The following PDE10A variants were observed in gnomAD, a reference collection of about 807,000 sequenced individuals.
PDE10A encodes the protein cAMP and cAMP-inhibited cGMP 3',5'-cyclic phosphodiesterase 10A.
Under a neutral mutation model 97.7 loss-of-function variants are expected in PDE10A, and 39 were observed. The ratio of observed to expected loss-of-function variants is 0.40; its 90% CI spans 0.31 to 0.52. The LOEUF (loss-of-function observed/expected upper bound fraction) is 0.52, where lower values mean the gene tolerates loss of function less well. PDE10A is among the 20% of genes least tolerant of loss of function. The pLI is 0.56. For missense variants in PDE10A, 731 were observed against 1,047.8 expected (o/e 0.70, Z 4.17); for synonymous variants, 371 against 376.8 (o/e 0.98, Z 0.18).
chr6:165,943,346 G>GAAAAAA (rs369730730), intron 1 of PDE10A, among the ~76,000 whole-genome samples: 1 of 79,488 alleles, frequency 1.3e-5, no homozygotes, highest in Non-Finnish European at 2.6e-5. Context: ...AGAAAGAAAA[G>GAAAAAA]AGAAAGAAAG....
In PDE10A at chr6:165,586,526, T is replaced by C. The variant is rs541076643; in HGVS notation, c.866-42958A>G. Among the ~76,000 whole-genome samples, 3 of 152,274 alleles carry C rather than the reference T, an allele frequency of 2.0e-5. No individual in the cohort carries two copies. The South Asian group carries it at 6.2e-4, about 32-fold the overall frequency. ...TAGTCATGTCCCAGAAGAGAACTGA[T>C]ACTATATATCAAAAGGCCTAAAAGA... On this transcript the variant is annotated intron_variant, in intron 1 of 21. Transcript: ENST00000539869.
intron 1 of PDE10A, among the ~76,000 whole-genome samples, chr6:165,922,136 G>T (rs918252487): frequency 1.2e-4 from 18 of 152,218 alleles, no homozygotes; most frequent in African/African-American, 4.3e-4. Context: ...ACAACCTCAA[G>T]ATTTTTGGGC....
chr6:165,928,050 C>T (rs1783000053), intron 1 of PDE10A, among the ~76,000 whole-genome samples: 1 of 150,214 alleles, frequency 6.7e-6, no homozygotes, highest in South Asian at 2.1e-4. Context: ...TTAATATGTA[C>T]TATTTATATG....
rs1782926230 is a variant in PDE10A, at chr6:165,533,883, A to G, written c.994+9557T>C. Among the ~76,000 whole-genome samples the G allele has an allele frequency of 3.3e-5, 5 of 152,288 alleles. No homozygotes were observed. In the South Asian group the frequency reaches 1.0e-3, roughly 32 times the overall value. On this transcript the variant is annotated intron_variant, in intron 2 of 21. Transcript: ENST00000539869. The stretch of plus-strand genomic sequence containing the variant: ...TTGAATTAGTTTCATAATCTCTAAC[A>G]TTATTCGTGATAATATGACTTAATC...
chr6:165,354,119 G>C (rs1044998886), intron 18 of PDE10A, among the ~76,000 whole-genome samples: 1 of 152,144 alleles, frequency 6.6e-6, no homozygotes, highest in Non-Finnish European at 1.5e-5. Flanking sequence ...GCCCACATCA[G>C]AAATAACAGC....
intron 1 of PDE10A, among the ~76,000 whole-genome samples, chr6:165,579,579 C>G (rs911341235): frequency 2.0e-5 from 3 of 152,178 alleles, no homozygotes; most frequent in African/African-American, 7.2e-5. Flanking sequence ...CCATCAATTC[C>G]AGCCACTATC....
At chr6:165,946,329 T>C (rs1448604285) in intron 1 of PDE10A, among the ~76,000 whole-genome samples, 1 of 152,042 alleles carries the variant, frequency 6.6e-6, no homozygotes, top group Non-Finnish European at 1.5e-5. Flanking sequence ...ACCCCCTCTC[T>C]ACTAAAATAA....
chr6:165,351,634 A>G (rs541832135), intron 18 of PDE10A, among the ~76,000 whole-genome samples: 1 of 152,302 alleles, frequency 6.6e-6, no homozygotes, highest in East Asian at 1.9e-4. Flanking sequence ...AAAGCCCAGA[A>G]TGTGACTCCT....
intron 18 of PDE10A, among the ~76,000 whole-genome samples, chr6:165,368,359 G>A (rs1783966625): frequency 6.6e-6 from 1 of 152,060 alleles, no homozygotes; most frequent in African/African-American, 2.4e-5. Flanking sequence ...CAACCTATGT[G>A]GGGTGTATAA....
upstream of PDE10A, among the ~76,000 whole-genome samples, chr6:165,667,447 G>C (rs1250229804): frequency 6.6e-6 from 1 of 151,906 alleles, no homozygotes; most frequent in African/African-American, 2.4e-5. Context: ...AACCAGTATA[G>C]GTTATATCAT....
intron 1 of PDE10A, among the ~76,000 whole-genome samples, chr6:165,901,321 C>T (rs1289296243): frequency 6.6e-6 from 1 of 152,180 alleles, no homozygotes; most frequent in Non-Finnish European, 1.5e-5. Context: ...CCAGGTATGT[C>T]TTCAATTCAC....
Position 165,569,820 on chromosome 6 carries a change from C to A in PDE10A, c.866-26252G>T, listed in dbSNP as rs143597551. On this transcript the variant is annotated intron_variant, in intron 1 of 21. Coordinates refer to ENST00000539869, the MANE Select transcript of PDE10A (RefSeq NM_001385079.1). ...GCAGAACTGCATAAAGCTGCATAAA[C>A]CCACATATGTTCTTTGCTGTTAAGA... 3.4e-3 allele frequency among the ~76,000 whole-genome samples: 521 copies of A among 152,214 alleles called. 4 individuals carry two copies. Among genetic ancestry groups the A allele is most frequent in the African/African-American group, 0.012 (500 of 41,540 alleles).
chr6:165,770,678 C>T (rs1267241368), intron 1 of PDE10A, among the ~76,000 whole-genome samples: 1 of 152,230 alleles, frequency 6.6e-6, no homozygotes, highest in Non-Finnish European at 1.5e-5. Flanking sequence ...GGAGAGTCAT[C>T]TGCCAGGCTC....
intron 1 of PDE10A, among the ~76,000 whole-genome samples, chr6:165,799,643 T>A (rs1562742762): frequency 6.6e-6 from 1 of 152,192 alleles, no homozygotes; most frequent in Non-Finnish European, 1.5e-5. Flanking sequence ...CACCAGATTT[T>A]CACAGTTTCC....
intron 2 of PDE10A, among the ~76,000 whole-genome samples, chr6:165,485,320 T>C (rs529666767): frequency 1.9e-4 from 29 of 151,758 alleles, no homozygotes; most frequent in African/African-American, 7.0e-4. Flanking sequence ...TACAAAAAAT[T>C]AGCCGGGCAT....
intron 1 of PDE10A, among the ~76,000 whole-genome samples, chr6:165,969,607 C>T (rs1328002367): frequency 6.6e-6 from 1 of 151,646 alleles, no homozygotes; most frequent in Non-Finnish European, 1.5e-5. Context: ...ACCGCAATTA[C>T]TTTTGCACCA....
At position 165,392,898 on chromosome 6, in the gene PDE10A, T is replaced by C. The variant is rs538830609; in HGVS notation, c.2304-102A>G. ...ACATATATGTCTGTACCCTTATACA[T>C]TTGCAACTCTAAAGATTTCCACCCT... On this transcript the variant is annotated intron_variant, in intron 15 of 21. Coordinates refer to ENST00000539869, the MANE Select transcript of PDE10A (RefSeq NM_001385079.1). 1.1e-5 allele frequency: 11 copies of C among 994,164 alleles called. No homozygotes were observed. The South Asian group carries it at 1.4e-4, about 13-fold the overall frequency. 61.6% of individuals were successfully genotyped at this position (994,164 alleles called of 1,614,324 possible).
intron 3 of PDE10A, among the ~76,000 whole-genome samples, chr6:165,473,498 G>C (rs1193572744): frequency 1.3e-5 from 2 of 152,074 alleles, no homozygotes; most frequent in African/African-American, 4.8e-5. Flanking sequence ...AGAGTCCATG[G>C]AAAGACATTT....
At chr6:165,817,978 G>A (rs1415310100) in intron 1 of PDE10A, among the ~76,000 whole-genome samples, 2 of 152,166 alleles carry the variant, frequency 1.3e-5, no homozygotes, top group African/African-American at 4.8e-5. Context: ...TCCGTTGCAA[G>A]GCACTGACAT....
Sources: allele counts gnomAD v4.1 joint callset (sites outside exome capture counted in the v4.1 genomes callset), GRCh38; gene constraint gnomAD v4.1.1; transcripts MANE v1.5; gene names NCBI Gene and HGNC (gene_info 2026-07-23, HGNC 2026-07-21).